The following SNTG1 variants were observed in gnomAD, a reference collection of about 807,000 sequenced individuals.
SNTG1 encodes the protein syntrophin gamma 1.
Under a neutral mutation model 74.7 loss-of-function variants are expected in SNTG1, and 39 were observed. That is an observed-to-expected ratio of 0.52 (90% CI 0.40 to 0.68). The LOEUF is 0.68. Ranked by LOEUF, SNTG1 falls within the 30% of genes least tolerant of loss-of-function variation. SNTG1 has a pLI of 0.00. For missense variants in SNTG1, 685 were observed against 609.5 expected (o/e 1.12, Z -1.30); for synonymous variants, 254 against 217.1 (o/e 1.17, Z -1.49).
In SNTG1 at chr8:50,731,674, T is replaced by C. The variant is rs559291574; in HGVS notation, c.1285-20327T>C. 2.6e-5 allele frequency among the ~76,000 whole-genome samples: 4 copies of C among 152,210 alleles called. No individual in the cohort carries two copies. The South Asian group carries it at 8.3e-4, about 32-fold the overall frequency. ...TTACAATGGCACTCACAATTTGCAT[T>C]ACAGAGCAATGTAAACTACATGCTA... On this transcript the variant is annotated intron_variant, in intron 17 of 18. Coordinates refer to ENST00000642720, the MANE Select transcript of SNTG1 (RefSeq NM_018967.5).
At chr8:50,583,450 T>C (rs2094625114) in intron 12 of SNTG1, among the ~76,000 whole-genome samples, 1 of 149,844 alleles carries the variant, frequency 6.7e-6, no homozygotes, top group African/African-American at 2.5e-5. Flanking sequence ...CCAATTTATA[T>C]GATAGAAAAT....
intron 1 of SNTG1, among the ~76,000 whole-genome samples, chr8:49,912,460 C>T (rs1805662068): frequency 6.6e-6 from 1 of 152,112 alleles, no homozygotes; most frequent in Admixed American, 6.6e-5. Flanking sequence ...TTTCTTATTG[C>T]TTATCTAATA....
chr8:50,777,507 T>C (rs2095644423), intron 18 of SNTG1, among the ~76,000 whole-genome samples: 1 of 151,270 alleles, frequency 6.6e-6, no homozygotes, highest in Non-Finnish European at 1.5e-5. Flanking sequence ...GTTTCTTTTC[T>C]GAGACTTTCT....
At chr8:50,556,809 G>A (rs1301385544) in intron 12 of SNTG1, among the ~76,000 whole-genome samples, 1 of 152,150 alleles carries the variant, frequency 6.6e-6, no homozygotes, top group Non-Finnish European at 1.5e-5. Flanking sequence ...GCTCCATAGT[G>A]AGCTCTGAAG....
At chr8:50,501,400 G>A (rs536657550) in intron 8 of SNTG1, among the ~76,000 whole-genome samples, 31 of 149,008 alleles carry the variant, frequency 2.1e-4, no homozygotes, top group Non-Finnish European at 4.0e-4. Flanking sequence ...TTCTTGGGGA[G>A]GAGCAGAGAG....
chr8:50,165,824 T>G (rs1245397220), intron 1 of SNTG1, among the ~76,000 whole-genome samples: 1 of 152,178 alleles, frequency 6.6e-6, no homozygotes, highest in Admixed American at 6.5e-5. Flanking sequence ...GTAACTTAAA[T>G]GTCATCCAAT....
At chr8:50,597,197 C>T (rs2130907679) in intron 13 of SNTG1, among the ~76,000 whole-genome samples, 1 of 151,782 alleles carries the variant, frequency 6.6e-6, no homozygotes, top group East Asian at 1.9e-4. Context: ...GGTCATTTTA[C>T]TTAACATAAT....
intron 8 of SNTG1, among the ~76,000 whole-genome samples, chr8:50,501,563 G>A (rs1007010803): frequency 2.0e-5 from 3 of 148,956 alleles, no homozygotes; most frequent in African/African-American, 4.9e-5. Context: ...AGCCTCCCGA[G>A]TAGCTAGGAT....
intron 1 of SNTG1, among the ~76,000 whole-genome samples, chr8:49,924,083 A>G (rs1036926457): frequency 2.6e-5 from 4 of 152,150 alleles, no homozygotes; most frequent in African/African-American, 9.7e-5. Flanking sequence ...TTTTTAATGA[A>G]TAGGGTTAGT....
intron 8 of SNTG1, among the ~76,000 whole-genome samples, chr8:50,477,715 A>G (rs2093707872): frequency 6.6e-6 from 1 of 152,206 alleles, no homozygotes; most frequent in South Asian, 2.1e-4. Flanking sequence ...GGATGTTCAT[A>G]TAGGAAACCG....
At chr8:50,653,183 C>G (rs1403180616) in intron 13 of SNTG1, among the ~76,000 whole-genome samples, 4 of 151,950 alleles carry the variant, frequency 2.6e-5, no homozygotes, top group African/African-American at 4.8e-5. Flanking sequence ...ATGGGTCATT[C>G]TTGCAATCCC....
chr8:50,536,690 T>C lies in SNTG1; in HGVS notation c.562T>C (p.Cys188Arg). The change falls in exon 11 of 19, where the codon TGC (cysteine) becomes CGC (arginine). Residue 188 changes from cysteine (C) to arginine (R), a missense_variant. Physicochemically the swap from Cys to Arg is radical, Grantham distance 180 (BLOSUM62 -3). Transcript: ENST00000642720. ...ATCTTCCTTTCAGGACACATTATCA[T>C]GCTCGTCGTGGCCGACGTCTCCAGG... ...YHPNNTDTLS[C>R]SSWPTSPGLR... The C allele has an allele frequency of 3.7e-6, 6 of 1,613,906 alleles. No homozygotes were observed. Among genetic ancestry groups the C allele is most frequent in the Non-Finnish European group, 5.1e-6 (6 of 1,179,814 alleles).
At chr8:50,098,641 A>G (rs1481229485) in intron 1 of SNTG1, among the ~76,000 whole-genome samples, 1 of 152,146 alleles carries the variant, frequency 6.6e-6, no homozygotes, top group Non-Finnish European at 1.5e-5. Context: ...TTCTTAATAT[A>G]GTGGAGAAAG....
intron 4 of SNTG1, among the ~76,000 whole-genome samples, chr8:50,423,134 G>T (rs968369213): frequency 3.3e-5 from 5 of 152,122 alleles, no homozygotes; most frequent in Admixed American, 1.3e-4. Context: ...TATTTTAAAA[G>T]AATGGAAATC....
intron 2 of SNTG1, among the ~76,000 whole-genome samples, chr8:50,200,566 G>A (rs1419255603): frequency 6.6e-6 from 1 of 150,504 alleles, no homozygotes; most frequent in Non-Finnish European, 1.5e-5. Context: ...GTTCCATCCA[G>A]GCGCTTACTG....
chr8:50,553,025 T>A (rs1444318833), intron 11 of SNTG1, 25 bp from the exon 12 acceptor site: 2 of 1,612,270 alleles, frequency 1.2e-6, no homozygotes, highest in Non-Finnish European at 1.7e-6. Context: ...GAGGTTTTGA[T>A]CTGATTTGTT....
intron 1 of SNTG1, among the ~76,000 whole-genome samples, chr8:50,160,256 C>A (rs564764251): frequency 6.6e-6 from 1 of 152,206 alleles, no homozygotes; most frequent in Admixed American, 6.5e-5. Context: ...ATTTCTGACA[C>A]ATAAACGTTG....
chr8:50,153,598 T>C, intron 1 of SNTG1, among the ~76,000 whole-genome samples: 1 of 152,218 alleles, frequency 6.6e-6, no homozygotes, highest in East Asian at 1.9e-4. Flanking sequence ...ATGTCCTTTC[T>C]GTTTGTTAGT....
At chr8:50,486,558 A>G (rs1296951351) in intron 8 of SNTG1, among the ~76,000 whole-genome samples, 1 of 128,648 alleles carries the variant, frequency 7.8e-6, no homozygotes, top group African/African-American at 2.8e-5. Flanking sequence ...GGGCTGAGAC[A>G]ATGGGGTTTT....
Sources: gnomAD v4.1 joint callset for allele counts (sites outside exome capture counted in the v4.1 genomes callset) on GRCh38, gnomAD v4.1.1 for gene constraint, MANE v1.5 for transcripts, NCBI Gene and HGNC (gene_info 2026-07-23, HGNC 2026-07-21) for gene names.